ZNF469: variants seen among roughly 807,000 people sequenced by gnomAD.
ZNF469 encodes zinc finger protein 469.
Under a neutral mutation model 1.0 loss-of-function variants are expected in ZNF469, and 1 was observed. That is an observed-to-expected ratio of 1.00 (90% CI 0.35 to 4.73). The LOEUF is 4.73. Ranked by LOEUF, ZNF469 falls within the 30% of genes most tolerant of loss-of-function variation. The probability of loss-of-function intolerance (pLI) is 0.16; values close to 1 mark genes in which losing one functional copy is unlikely to be tolerated. For synonymous variants in ZNF469, 2,703 were observed against 2,363.4 expected (o/e 1.14, Z -4.17); for missense variants, 6,100 against 5,356.3 (o/e 1.14, Z -4.33).
Position 88,430,981 on chromosome 16 carries a change from G to A in ZNF469, c.3511G>A (p.Ala1171Thr), listed in dbSNP as rs1196588625. ...SRPGPGRSPQ[A>T]RGPSRSLETG... ...CCCGGGCCCCGGCAGGAGCCCTCAG[G>A]CCCGTGGCCCGTCTCGAAGCCTGGA... Residue 1171 changes from alanine to threonine, a missense_variant, in exon 3 of 3, where the codon GCC (alanine) becomes ACC (threonine). Ala to Thr is a moderately conservative substitution (Grantham distance 58). Transcript: ENST00000565624. 1.9e-6 allele frequency: 3 copies of A among 1,540,526 alleles called. No individual in the cohort carries two copies. Among genetic ancestry groups the A allele is most frequent in the Admixed American group, 3.9e-5 (2 of 50,950 alleles).
At chr16:88,103,546 A>G in the ZNF469 span, among the ~76,000 whole-genome samples, 4 of 152,192 alleles carry the variant, frequency 2.6e-5, no homozygotes, top group South Asian at 8.3e-4. Flanking sequence ...GTCCCCCCCG[A>G]ATCTCCCCCT....
chr16:88,173,665 A>G, the ZNF469 span, among the ~76,000 whole-genome samples: 4 of 152,246 alleles, frequency 2.6e-5, no homozygotes, highest in African/African-American at 9.6e-5. Context: ...TATATGTGGA[A>G]GTAAAATCTA....
In ZNF469 at chr16:88,402,725, C is replaced by T. The variant is rs371131164; in HGVS notation, c.-192+19471C>T. On this transcript the variant is annotated intron_variant, in intron 1 of 2. Transcript: ENST00000565624. ...GGATCTGGGGGCACAGAATGGGGCC[C>T]GGCCCCCGCCTGCCTCTGGACATTA... is the stretch of plus-strand genomic sequence containing the variant. 3.9e-3 allele frequency among the ~76,000 whole-genome samples: 596 copies of T among 152,318 alleles called. 2 individuals carry two copies. Among genetic ancestry groups the T allele is most frequent in the African/African-American group, 0.014 (574 of 41,558 alleles).
the ZNF469 span, among the ~76,000 whole-genome samples, chr16:88,161,937 A>G: frequency 3.3e-4 from 50 of 152,356 alleles, no homozygotes; most frequent in African/African-American, 1.2e-3. Flanking sequence ...CCCAAATGGA[A>G]TGCCGTTGAG....
chr16:88,394,917 G>T (rs1259319661), intron 1 of ZNF469, among the ~76,000 whole-genome samples: 1 of 152,030 alleles, frequency 6.6e-6, no homozygotes, highest in Non-Finnish European at 1.5e-5. Flanking sequence ...TACTCACCCC[G>T]ATCCCTCCCT....
At chr16:88,425,474 G>A (rs1473011701) in intron 2 of ZNF469, among the ~76,000 whole-genome samples, 2 of 148,826 alleles carry the variant, frequency 1.3e-5, no homozygotes. Flanking sequence ...CAGGGCAGGA[G>A]ATGTGCAGGG....
chr16:88,182,137 A>C, the ZNF469 span, among the ~76,000 whole-genome samples: 505 of 152,332 alleles, frequency 3.3e-3, 3 homozygotes, highest in African/African-American at 0.011. Flanking sequence ...TAACATCACA[A>C]ACATGAAATA....
chr16:88,420,837 C>A (rs1394051569), intron 1 of ZNF469, among the ~76,000 whole-genome samples: 1 of 152,216 alleles, frequency 6.6e-6, no homozygotes, highest in Non-Finnish European at 1.5e-5. Flanking sequence ...GAGGCTGGGA[C>A]GGGGCTTGGA....
Position 88,433,780 on chromosome 16 carries a change from G to A in ZNF469, c.6310G>A (p.Ala2104Thr), listed in dbSNP as rs1217597432. 6.5e-7 allele frequency: 1 copy of A among 1,549,442 alleles called. No homozygotes were observed. Among genetic ancestry groups the A allele is most frequent in the Non-Finnish European group, 8.7e-7 (1 of 1,146,896 alleles). ...KPLLATGDSPAPSVGDLAACA... is the reference protein window; with the variant it reads ...KPLLATGDSPTPSVGDLAACA... The stretch of plus-strand genomic sequence containing the variant: ...ACTGCTGGCCACAGGGGATAGCCCA[G>A]CACCCTCTGTCGGGGACCTGGCCGC... Residue 2104 changes from alanine (A) to threonine (T), a missense_variant, in exon 3 of 3, where the codon GCA becomes ACA. Physicochemically the swap from Ala to Thr is moderately conservative, Grantham distance 58 (BLOSUM62 0). Transcript: ENST00000565624.
At chr16:88,388,635 G>A (rs889470152) in intron 1 of ZNF469, among the ~76,000 whole-genome samples, 11 of 152,276 alleles carry the variant, frequency 7.2e-5, no homozygotes, top group African/African-American at 2.7e-4. Flanking sequence ...AGCCAGAGGG[G>A]GCGTGGGAGC....
the ZNF469 span, among the ~76,000 whole-genome samples, chr16:88,131,720 C>T: frequency 0.065 from 9,855 of 152,204 alleles, 486 homozygotes; most frequent in East Asian, 0.17. Flanking sequence ...CTGACCTGGC[C>T]ACACGGCGTC....
At chr16:88,273,595 G>T in the ZNF469 span, among the ~76,000 whole-genome samples, 2 of 152,216 alleles carry the variant, frequency 1.3e-5, no homozygotes, top group South Asian at 2.1e-4. Flanking sequence ...CGGTATGGAA[G>T]TTCCTCAAAA....
the ZNF469 span, among the ~76,000 whole-genome samples, chr16:88,163,739 G>C: frequency 2.6e-5 from 4 of 151,882 alleles, no homozygotes; most frequent in Non-Finnish European, 5.9e-5. Context: ...ATAGATGCAT[G>C]AGAGGATGGG....
the ZNF469 span, among the ~76,000 whole-genome samples, chr16:88,358,800 A>G: frequency 6.1e-5 from 9 of 147,882 alleles, no homozygotes; most frequent in Admixed American, 2.7e-4. Context: ...CTCACTGCAA[A>G]CTCCACCTCC....
the ZNF469 span, among the ~76,000 whole-genome samples, chr16:88,349,753 ATGC>A: frequency 8.4e-6 from 1 of 119,034 alleles, no homozygotes; most frequent in South Asian, 2.9e-4. Context: ...AAGTGCACAC[ATGC>A]CCAGCACAAT....
At chr16:88,423,244 T>C (rs886126576) in intron 1 of ZNF469, among the ~76,000 whole-genome samples, 12 of 150,440 alleles carry the variant, frequency 8.0e-5, no homozygotes, top group Non-Finnish European at 1.6e-4. Flanking sequence ...GATGGATGGA[T>C]GGATGGATAG....
the ZNF469 span, among the ~76,000 whole-genome samples, chr16:88,136,634 T>C: frequency 6.6e-6 from 1 of 152,258 alleles, no homozygotes; most frequent in South Asian, 2.1e-4. Flanking sequence ...TTTTGCTAAT[T>C]ACTCAAAGAG....
At chr16:88,170,334 G>T in the ZNF469 span, among the ~76,000 whole-genome samples, 1 of 152,012 alleles carries the variant, frequency 6.6e-6, no homozygotes, top group Admixed American at 6.5e-5. This position sits in a 1 kb window ranked among gnomAD's most constrained non-coding sequence, Gnocchi z 4.2. Context: ...TTTCACATAC[G>T]CAATCGATTA....
intron 1 of ZNF469, among the ~76,000 whole-genome samples, chr16:88,401,920 A>C (rs1425079149): frequency 6.7e-5 from 9 of 133,436 alleles, no homozygotes; most frequent in Non-Finnish European, 1.4e-4. Context: ...GGATGGATGG[A>C]TGGATGGATG....
Sources: gnomAD v4.1 joint callset for allele counts (sites outside exome capture counted in the v4.1 genomes callset) on GRCh38, gnomAD v4.1.1 for gene constraint, Gnocchi (gnomAD v3.1) non-coding constraint, MANE v1.5 for transcripts, NCBI Gene and HGNC (gene_info 2026-07-23, HGNC 2026-07-21) for gene names.